Variants in MYO3A observed in about 807,000 individuals in gnomAD.
MYO3A encodes the protein myosin-IIIa.
A neutral mutation model predicts 192.7 loss-of-function variants in MYO3A; 180 were observed. The observed-to-expected ratio is 0.93, with a 90% CI of 0.83 to 1.06. The LOEUF (loss-of-function observed/expected upper bound fraction) is 1.06, where lower values mean the gene tolerates loss of function less well. Among genes scored for constraint, MYO3A ranks in the 50% least tolerant of loss-of-function variants. MYO3A has a pLI of 0.00. For synonymous variants in MYO3A, 628 were observed against 645.3 expected, an observed-to-expected ratio of 0.97 and a Z score of 0.41; for missense variants, 1,896 against 1,905.0, an observed-to-expected ratio of 1.00 and a Z score of 0.09.
At chr10:26,203,240 G>A in intron 34 of MYO3A, 133 bp downstream of exon 34, 2 of 1,017,974 alleles carry the variant, frequency 2.0e-6, no homozygotes, top group Non-Finnish European at 2.9e-6. Context: ...GAGTGATATG[G>A]TGTTTAAAAG....
intron 10 of MYO3A, among the ~76,000 whole-genome samples, chr10:26,065,175 T>C (rs1435803072): frequency 6.6e-6 from 1 of 152,172 alleles, no homozygotes; most frequent in East Asian, 1.9e-4. Flanking sequence ...TAAATGCGCC[T>C]GGTAGATTAG....
chr10:26,075,843 GTC>G (rs1835538855), intron 14 of MYO3A, among the ~76,000 whole-genome samples: 1 of 148,132 alleles, frequency 6.8e-6, no homozygotes, highest in Non-Finnish European at 1.5e-5. Context: ...ATATATATGT[GTC>G]TCTCTCATAT....
rs1034610594 is a variant in MYO3A, at chr10:26,212,317, A to G, written c.*354A>G. 26 of 395,796 alleles carry G rather than the reference A, an allele frequency of 6.6e-5. No individual in the cohort carries two copies. The highest frequency in any genetic ancestry group is 6.3e-4 in the Middle Eastern group (1 of 1,580). The allele number at this position is 395,796 out of a possible 1,614,324, so 24.5% of individuals were successfully genotyped here. ...CTCCACTGCGCCTGGGATCTCGCCA[A>G]CCCCTCTCTCATTTGGGGTGACTGA... is the stretch of plus-strand genomic sequence containing the variant. On this transcript the variant is annotated 3_prime_UTR_variant, in exon 35 of 35. Transcript: ENST00000642920.
intron 4 of MYO3A, among the ~76,000 whole-genome samples, chr10:25,994,978 A>G (rs1266016242): frequency 3.3e-5 from 5 of 152,070 alleles, no homozygotes; most frequent in East Asian, 1.9e-4. Flanking sequence ...GAATCTGACA[A>G]TTATGTGTCT....
chr10:26,211,467 C>CT (rs1253388980), intron 34 of MYO3A, among the ~76,000 whole-genome samples: 2 of 152,086 alleles, frequency 1.3e-5, no homozygotes, highest in Non-Finnish European at 2.9e-5. Context: ...TATTTGGGCA[C>CT]TTTGAGTTTT....
chr10:26,016,759 A>C, intron 6 of MYO3A, 61 bp from the exon 7 acceptor site: 1 of 1,462,962 alleles, frequency 6.8e-7, no homozygotes, highest in Non-Finnish European at 9.6e-7. Context: ...AGATTATAGC[A>C]ATTGAAAGCT....
At chr10:26,130,116 T>G (rs1839446281) in intron 20 of MYO3A, among the ~76,000 whole-genome samples, 1 of 152,158 alleles carries the variant, frequency 6.6e-6, no homozygotes, top group Non-Finnish European at 1.5e-5. Flanking sequence ...ATTGCTTTTT[T>G]TTTTTTGAAA....
rs1360057301 is a variant in MYO3A, at chr10:26,026,436, T to C, written c.857T>C (p.Phe286Ser). ...GTGTCAGAACTTTTACAGCATAAAT[T>C]CATTACTCAAATTGAGGGCAAAGAT... is the stretch of plus-strand genomic sequence containing the variant. ...PTVSELLQHK[F>S]ITQIEGKDVM... The change falls in exon 10 of 35, where the codon TTC (phenylalanine) becomes TCC (serine). Residue 286 changes from phenylalanine (F) to serine (S), a missense_variant. Phe to Ser is a radical substitution (Grantham distance 155). Transcript: ENST00000642920. The C allele has an allele frequency of 6.2e-7, 1 of 1,613,250 alleles. No homozygotes were observed. The highest frequency in any genetic ancestry group is 1.7e-5 in the Admixed American group (1 of 59,988).
intron 34 of MYO3A, among the ~76,000 whole-genome samples, chr10:26,205,619 T>C (rs1340652862): frequency 1.5e-5 from 2 of 129,268 alleles, no homozygotes; most frequent in South Asian, 2.8e-4. Flanking sequence ...TTTTTTTTTT[T>C]TTTTTTTTTT....
At chr10:26,014,318 A>T (rs1295849705) in intron 6 of MYO3A, among the ~76,000 whole-genome samples, 1 of 152,124 alleles carries the variant, frequency 6.6e-6, no homozygotes, top group Non-Finnish European at 1.5e-5. Flanking sequence ...AGAGTTGTCT[A>T]ACCAATGTGG....
chr10:26,000,089 A>T (rs148908082), intron 6 of MYO3A, among the ~76,000 whole-genome samples: 62 of 152,260 alleles, frequency 4.1e-4, no homozygotes, highest in Non-Finnish European at 5.0e-4. Context: ...TGATCCTGCG[A>T]CTACCTTGTT....
At chr10:26,006,131 A>G in intron 6 of MYO3A, among the ~76,000 whole-genome samples, 1 of 152,182 alleles carries the variant, frequency 6.6e-6, no homozygotes, top group East Asian at 1.9e-4. Flanking sequence ...CCAACTAGCT[A>G]CTGGGTACAT....
intron 2 of MYO3A, among the ~76,000 whole-genome samples, chr10:25,947,480 G>A (rs977564801): frequency 5.1e-5 from 7 of 136,696 alleles, no homozygotes; most frequent in East Asian, 2.3e-4. Flanking sequence ...TGCAACCTCC[G>A]CCTCCCGGGT....
At chr10:26,014,813 A>G (rs115064646) in intron 6 of MYO3A, among the ~76,000 whole-genome samples, 1,637 of 152,292 alleles carry the variant, frequency 0.011, 24 homozygotes, top group African/African-American at 0.036. Context: ...AACAATGACA[A>G]AAACTATGCT....
rs758130703 is a variant in MYO3A, at chr10:26,021,531, C to G, written c.614C>G (p.Thr205Ser). ...ATTGCATGTGAACAGCAATTGGATA[C>G]CACTTATGACGCCAGATGTGACACT... ...EVIACEQQLD[T>S]TYDARCDTWS... is the part of the protein sequence containing the mutation. The change falls in exon 8 of 35, where the codon ACC becomes AGC. Residue 205 changes from threonine (T) to serine (S), a missense_variant. By Grantham distance (58) the Thr-to-Ser change is moderately conservative. Transcript: ENST00000642920. The G allele has an allele frequency of 6.8e-6, 11 of 1,614,090 alleles. 1 individual carries two copies. Among genetic ancestry groups the G allele is most frequent in the Non-Finnish European group, 9.3e-6 (11 of 1,179,982 alleles).
intron 2 of MYO3A, among the ~76,000 whole-genome samples, chr10:25,950,111 G>A (rs1235945207): frequency 6.6e-6 from 1 of 152,080 alleles, no homozygotes. Flanking sequence ...ACTTCATAAA[G>A]GTTGGTCAGG....
chr10:26,040,178 T>A (rs1174481313), intron 10 of MYO3A, among the ~76,000 whole-genome samples: 1 of 152,088 alleles, frequency 6.6e-6, no homozygotes, highest in African/African-American at 2.4e-5. Flanking sequence ...TTCCTGTTTT[T>A]TTTTTTAAGT....
chr10:26,003,557 G>A (rs1017243866), intron 6 of MYO3A, among the ~76,000 whole-genome samples: 1 of 152,106 alleles, frequency 6.6e-6, no homozygotes, highest in Non-Finnish European at 1.5e-5. Flanking sequence ...AAAATGACAA[G>A]TGAGGTTATA....
Position 26,128,494 on chromosome 10 carries a change from C to G in MYO3A, c.2218C>G (p.Gln740Glu), listed in dbSNP as rs759456538. ...EQLCINIANE[Q>E]IQYYYNQHVF... ...GCTGTGCATTAACATTGCAAATGAA[C>G]AAATTCAGTATTATTATAATCAACA... The change falls in exon 20 of 35, where the codon CAA becomes GAA. Residue 740 changes from glutamine to glutamate, a missense_variant. By Grantham distance (29) the Gln-to-Glu change is conservative. Coordinates refer to ENST00000642920, the MANE Select transcript of MYO3A (RefSeq NM_017433.5). 1.2e-6 allele frequency: 2 copies of G among 1,612,618 alleles called. No individual in the cohort carries two copies. The highest frequency in any genetic ancestry group is 2.2e-5 in the South Asian group (2 of 91,036).
Sources: gnomAD v4.1 joint callset for allele counts (sites outside exome capture counted in the v4.1 genomes callset) on GRCh38, gnomAD v4.1.1 for gene constraint, MANE v1.5 for transcripts, NCBI Gene and HGNC (gene_info 2026-07-23, HGNC 2026-07-21) for gene names.